The following FBN1 variants were observed in gnomAD, a reference collection of about 807,000 sequenced individuals.
The protein encoded by FBN1 is fibrillin-1.
In FBN1, 29 loss-of-function variants were observed where a neutral mutation model predicts 365.1. That is an observed-to-expected ratio of 0.08 (90% CI 0.06 to 0.11). The LOEUF is 0.11. FBN1 is among the 10% of genes least tolerant of loss of function. FBN1 has a pLI of 1.00. For missense variants in FBN1, 2,476 were observed against 3,703.2 expected, an observed-to-expected ratio of 0.67 and a Z score of 8.60; for synonymous variants, 1,210 against 1,270.5, an observed-to-expected ratio of 0.95 and a Z score of 1.01.
intron 53 of FBN1, among the ~76,000 whole-genome samples, chr15:48,435,762 ATATGTGTATATGTGTG>A (rs2043064868): frequency 6.9e-5 from 4 of 57,876 alleles, no homozygotes; most frequent in African/African-American, 1.8e-4. Flanking sequence ...GTGTGTATAT[ATATGTGTATATGTGTG>A]TGTGTGTGTG....
intron 27 of FBN1, 32 bp from the exon 28 acceptor site, chr15:48,487,469 G>A (rs773812797): frequency 1.9e-6 from 3 of 1,611,244 alleles, no homozygotes; most frequent in South Asian, 1.1e-5. Context: ...GTTAAAGGTG[G>A]GGGCCTCATC....
At chr15:48,530,677 C>T (rs1205105151) in intron 8 of FBN1, among the ~76,000 whole-genome samples, 2 of 152,148 alleles carry the variant, frequency 1.3e-5, no homozygotes, top group Non-Finnish European at 2.9e-5. Flanking sequence ...TGGGTTAAGC[C>T]GCCCCGGGAA....
intron 8 of FBN1, among the ~76,000 whole-genome samples, 182 bp from the exon 9 acceptor site, chr15:48,526,437 C>A (rs1404700569): frequency 1.3e-5 from 2 of 152,206 alleles, no homozygotes; most frequent in Non-Finnish European, 2.9e-5. Flanking sequence ...TCAACACAGA[C>A]TTACCCAAAA....
At chr15:48,467,884 A>G in intron 38 of FBN1, 54 bp downstream of exon 38, 2 of 1,507,140 alleles carry the variant, frequency 1.3e-6, no homozygotes, top group South Asian at 1.1e-5. Context: ...TCTGATCTAG[A>G]AAGGAGAACT....
At chr15:48,564,071 ATT>A (rs1435309261) in intron 6 of FBN1, among the ~76,000 whole-genome samples, 1 of 152,104 alleles carries the variant, frequency 6.6e-6, no homozygotes, top group Non-Finnish European at 1.5e-5. Flanking sequence ...TATATACTAT[ATT>A]GTTCCAGTGG....
intron 4 of FBN1, among the ~76,000 whole-genome samples, chr15:48,610,121 A>C (rs2044645469): frequency 6.6e-6 from 1 of 152,182 alleles, no homozygotes; most frequent in African/African-American, 2.4e-5. Context: ...ATTATGACTC[A>C]CTTGCCCAAA....
At chr15:48,509,620 C>T (rs1009289577) in intron 14 of FBN1, among the ~76,000 whole-genome samples, 7 of 149,818 alleles carry the variant, frequency 4.7e-5, no homozygotes, top group Non-Finnish European at 7.4e-5. Context: ...TGTATTTTTA[C>T]ATTATATCTA....
intron 4 of FBN1, among the ~76,000 whole-genome samples, chr15:48,606,581 G>C (rs535718765): frequency 1.3e-5 from 2 of 152,320 alleles, no homozygotes; most frequent in African/African-American, 4.8e-5. Flanking sequence ...GAATTAAAGA[G>C]AGAATTATGT....
At chr15:48,614,016 G>T (rs1343748490) in intron 2 of FBN1, among the ~76,000 whole-genome samples, 3 of 152,178 alleles carry the variant, frequency 2.0e-5, no homozygotes, top group Non-Finnish European at 4.4e-5. Flanking sequence ...TTTACAGACA[G>T]TTCATCACAT....
intron 6 of FBN1, among the ~76,000 whole-genome samples, chr15:48,569,612 C>A (rs899455388): frequency 3.9e-5 from 6 of 152,032 alleles, no homozygotes; most frequent in African/African-American, 1.2e-4. Context: ...TATGATATAT[C>A]CTTACAATGG....
chr15:48,631,789 C>CAATTA (rs1889994318), intron 2 of FBN1, among the ~76,000 whole-genome samples: 1 of 152,192 alleles, frequency 6.6e-6, no homozygotes. Flanking sequence ...ATCCTTACTC[C>CAATTA]AACAGAGGCA....
chr15:48,486,950 A>G (rs1002656046), intron 29 of FBN1, 125 bp downstream of exon 29: 2 of 752,398 alleles, frequency 2.7e-6, no homozygotes, highest in Non-Finnish European at 3.7e-6. Context: ...CGATGAAAAC[A>G]AAACTCAGAG....
At chr15:48,538,981 A>C (rs1597594529) in intron 6 of FBN1, among the ~76,000 whole-genome samples, 1 of 152,240 alleles carries the variant, frequency 6.6e-6, no homozygotes, top group African/African-American at 2.4e-5. Context: ...CTCATAGGAC[A>C]TCGCAGACAT....
In FBN1 at chr15:48,430,778, T is replaced by C; in HGVS notation, c.6764A>G (p.Lys2255Arg). The C allele has an allele frequency of 6.2e-7, 1 of 1,613,924 alleles. No homozygotes were observed. Among genetic ancestry groups the C allele is most frequent in the Non-Finnish European group, 8.5e-7 (1 of 1,179,860 alleles). The change falls in exon 56 of 66, where the codon AAA becomes AGA. Residue 2255 changes from lysine to arginine, a missense_variant. Around this residue, in one of 5 missense-constraint regions of FBN1, gnomAD observed 1,780 missense variants for 2,840.8 expected, o/e 0.63. Transcript: ENST00000316623. ...CATTTGTTTTTCAGTACAGTCATGTTTTCCCTCTTCACACTCATCCTCATC... is the reference window on the plus strand; with the variant it reads ...CATTTGTTTTTCAGTACAGTCATGTCTTCCCTCTTCACACTCATCCTCATC... ...CKDEDECEEG[K>R]HDCTEKQMEC... is the part of the protein sequence containing the mutation.
chr15:48,412,198 C>T (rs1203586939), intron 65 of FBN1, among the ~76,000 whole-genome samples: 1 of 152,232 alleles, frequency 6.6e-6, no homozygotes, highest in Non-Finnish European at 1.5e-5. Flanking sequence ...GTAGAGGAGC[C>T]TCTAGCTTTC....
At chr15:48,629,905 T>TA (rs1280360352) in intron 2 of FBN1, among the ~76,000 whole-genome samples, 2 of 152,196 alleles carry the variant, frequency 1.3e-5, no homozygotes, top group African/African-American at 2.4e-5. Flanking sequence ...CTTTATCTGT[T>TA]ACGCAGCTCA....
intron 30 of FBN1, among the ~76,000 whole-genome samples, chr15:48,484,409 G>A (rs1218075184): frequency 1.4e-5 from 2 of 147,562 alleles, no homozygotes; most frequent in East Asian, 4.0e-4. Context: ...GTCTCACTCT[G>A]TCACCAGGCT....
rs565078451 is a variant in FBN1, at chr15:48,526,255, T to A, written c.863A>T (p.Asp288Val). Residue 288 changes from aspartate to valine, a missense_variant and splice_region_variant, in exon 9 of 66, where the codon GAT becomes GTT. Asp to Val is a radical substitution (Grantham distance 152, BLOSUM62 -3). This residue lies in a region of FBN1 where 421 missense variants were observed against 520.1 expected (regional missense o/e 0.81). Coordinates refer to ENST00000316623, the MANE Select transcript of FBN1 (RefSeq NM_000138.5). ...AGGAATGGTGCTGCATTCATCAATA[T>A]CTGGAATATAAAAAAAAGAATCTCA... Reference protein sequence around the residue: ...KLNEVSQKCEDIDECSTIPGI... With the variant: ...KLNEVSQKCEVIDECSTIPGI... 1 of 1,613,880 alleles carries A rather than the reference T, an allele frequency of 6.2e-7. No individual in the cohort carries two copies. Among genetic ancestry groups the A allele is most frequent in the Admixed American group, 1.7e-5 (1 of 60,004 alleles).
At chr15:48,448,647 T>G (rs1485996490) in intron 46 of FBN1, 121 bp downstream of exon 46, 1 of 934,738 alleles carries the variant, frequency 1.1e-6, no homozygotes, top group Non-Finnish European at 1.6e-6. Context: ...TCTGTCTGTG[T>G]TTTTATTTTG....
Sources: gnomAD v4.1 joint callset for allele counts (sites outside exome capture counted in the v4.1 genomes callset) on GRCh38, gnomAD v4.1.1 for gene constraint, gnomAD v4.1.1 regional missense constraint, MANE v1.5 for transcripts, NCBI Gene and HGNC (gene_info 2026-07-23, HGNC 2026-07-21) for gene names.